NIPAL4: variants seen among roughly 807,000 people sequenced by gnomAD.
The protein encoded by NIPAL4 is magnesium transporter NIPA4.
A neutral mutation model predicts 31.6 loss-of-function variants in NIPAL4; 21 were observed. The ratio of observed to expected loss-of-function variants is 0.67; its 90% confidence interval spans 0.47 to 0.96. NIPAL4 has a LOEUF of 0.96. Ranked by LOEUF, NIPAL4 falls within the 40% of genes least tolerant of loss-of-function variation. NIPAL4 has a pLI of 0.00. For missense variants in NIPAL4, 438 were observed against 508.0 expected (o/e 0.86, Z 1.32); for synonymous variants, 175 against 211.1 (o/e 0.83, Z 1.48).
chr5:157,461,060 T>C, intron 1 of NIPAL4, among the ~76,000 whole-genome samples: 1 of 151,986 alleles, frequency 6.6e-6, no homozygotes, highest in East Asian at 1.9e-4. Context: ...CTCAACTCCT[T>C]CCTTGGTGTG....
chr5:157,470,492 CTTT>C (rs1208053266), intron 4 of NIPAL4, among the ~76,000 whole-genome samples: 1 of 152,190 alleles, frequency 6.6e-6, no homozygotes, highest in Non-Finnish European at 1.5e-5. Flanking sequence ...ATTTTAACTT[CTTT>C]GAGATTCAGT....
intron 3 of NIPAL4, among the ~76,000 whole-genome samples, chr5:157,468,142 C>A (rs1019488802): frequency 1.3e-5 from 2 of 151,428 alleles, no homozygotes; most frequent in African/African-American, 2.4e-5. Flanking sequence ...CTCGAACTCC[C>A]GACCTCAGGT....
chr5:157,470,841 G>A (rs568059029), intron 4 of NIPAL4, among the ~76,000 whole-genome samples: 1 of 152,236 alleles, frequency 6.6e-6, no homozygotes, highest in African/African-American at 2.4e-5. Flanking sequence ...CCAAAGCTGA[G>A]AGCCATCTGT....
At chr5:157,460,463 G>C (rs891714387) in intron 1 of NIPAL4, 106 bp downstream of exon 1, 2 of 1,136,974 alleles carry the variant, frequency 1.8e-6, no homozygotes, top group Non-Finnish European at 2.6e-6. Flanking sequence ...GCCAAAGCTG[G>C]GGAGGGGCAG....
intron 4 of NIPAL4, among the ~76,000 whole-genome samples, chr5:157,469,923 G>C (rs1754378889): frequency 6.6e-6 from 1 of 152,298 alleles, no homozygotes; most frequent in Middle Eastern, 3.4e-3. Context: ...TTGCATATCT[G>C]ATTAGTTTGC....
intron 4 of NIPAL4, among the ~76,000 whole-genome samples, 190 bp from the exon 5 acceptor site, chr5:157,471,467 A>G (rs565743217): frequency 6.6e-6 from 1 of 152,342 alleles, no homozygotes; most frequent in South Asian, 2.1e-4. Flanking sequence ...AGATGGGGAC[A>G]ATGAGGCTTA....
In NIPAL4 at chr5:157,473,760, C is replaced by A. The variant is rs1191777850; in HGVS notation, c.*800C>A. 1 of 152,218 alleles carries A rather than the reference C, an allele frequency of 6.6e-6. No homozygotes were observed. The highest frequency in any genetic ancestry group is 6.5e-5 in the Admixed American group (1 of 15,284). The allele number at this position is 152,218 out of a possible 1,614,324, so 9.4% of individuals were successfully genotyped here. ...ACAATAATAGAGCCACAGCCAAACT[C>A]TGGTGGCCAAACCCAGTGTTGCATT... On this transcript the variant is annotated 3_prime_UTR_variant, in exon 6 of 6. Coordinates refer to ENST00000311946, the MANE Select transcript of NIPAL4 (RefSeq NM_001099287.2).
In NIPAL4 at chr5:157,472,573, C is replaced by T. The variant is rs886060339; in HGVS notation, c.828C>T (p.Ser276=). ...ILSLILALSL[S]TQVNFLNRAL... is the part of the protein sequence containing the mutation. ...CCCTCATCCTGGCACTGTCCCTCAGCACTCAGGTCAACTTCCTCAACAGAG... is the reference window on the plus strand; with the variant it reads ...CCCTCATCCTGGCACTGTCCCTCAGTACTCAGGTCAACTTCCTCAACAGAG... Residue 276 remains serine, a synonymous_variant, in exon 6 of 6, where the codon AGC becomes AGT. Transcript: ENST00000311946. The T allele has an allele frequency of 6.2e-7, 1 of 1,613,928 alleles. No homozygotes were observed. The highest frequency in any genetic ancestry group is 8.5e-7 in the Non-Finnish European group (1 of 1,179,870).
At chr5:157,469,524 C>T (rs1369036649) in intron 4 of NIPAL4, among the ~76,000 whole-genome samples, 2 of 152,220 alleles carry the variant, frequency 1.3e-5, no homozygotes, top group African/African-American at 4.8e-5. Flanking sequence ...CCCAGGCAGT[C>T]TTAATTCCAG....
chr5:157,462,038 T>C (rs530809065), intron 1 of NIPAL4, among the ~76,000 whole-genome samples: 1 of 152,160 alleles, frequency 6.6e-6, no homozygotes, highest in African/African-American at 2.4e-5. Context: ...GTGGGAGAAA[T>C]ACTTGGTTGA....
intron 4 of NIPAL4, among the ~76,000 whole-genome samples, chr5:157,470,240 T>G (rs1465257090): frequency 6.6e-6 from 1 of 152,144 alleles, no homozygotes. Context: ...TGCCTGTGAT[T>G]TTTTTTCCCT....
In NIPAL4 at chr5:157,471,813, C is replaced by T. The variant is rs1335308954; in HGVS notation, c.582C>T (p.Asp194=). Residue 194 remains aspartate (D), a synonymous_variant, in exon 5 of 6, where the codon GAC becomes GAT. Transcript: ENST00000311946. ...TIMEMASKMK[D]TGFIVFAVLL... is the part of the protein sequence containing the mutation. ...TGGAGATGGCTTCCAAGATGAAAGA[C>T]ACAGGTAGACTCCAAGCCCCTGAAG... The T allele has an allele frequency of 5.7e-6, 9 of 1,584,092 alleles. No individual in the cohort carries two copies. Among genetic ancestry groups the T allele is most frequent in the Non-Finnish European group, 7.7e-6 (9 of 1,164,552 alleles).
At position 157,463,327 on chromosome 5, in the gene NIPAL4, C is replaced by T; in HGVS notation, c.271C>T (p.Arg91Ter). ...GCGACTCGTGGCCACGGGAGCCACT[C>T]GAGCTGGTAGGTTCCTGGGCCAGGA... is the stretch of plus-strand genomic sequence containing the variant. ...LLRLVATGAT[R>*]AVDGGFGYLK... is the part of the protein sequence containing the mutation. The change falls in exon 2 of 6, where the codon CGA (arginine) becomes TGA (stop). Residue 91 changes from arginine to a stop codon, truncating the protein, a stop_gained. Coordinates refer to ENST00000311946, the MANE Select transcript of NIPAL4 (RefSeq NM_001099287.2). LOFTEE classifies it high-confidence loss of function. 6.2e-6 allele frequency: 10 copies of T among 1,608,222 alleles called. No individual in the cohort carries two copies. Among genetic ancestry groups the T allele is most frequent in the South Asian group, 1.1e-5 (1 of 90,376 alleles).
At position 157,460,545 on chromosome 5, in the gene NIPAL4, C is replaced by A. The variant is rs992344332; in HGVS notation, c.37+188C>A. On this transcript the variant is annotated intron_variant, in intron 1 of 5. Transcript: ENST00000311946. ...GGCTGAGACTTCACTTTCATCTTCG[C>A]AGCTGGGATGGCTGAGAGGAGTCAG... 4.2e-6 allele frequency: 3 copies of A among 716,492 alleles called. No homozygotes were observed. In the African/African-American group the frequency reaches 5.2e-5, roughly 12 times the overall value. 44.4% of individuals were successfully genotyped at this position (716,492 alleles called of 1,614,324 possible). A position where few individuals can be genotyped will look rare whatever the true frequency, so the allele number is the denominator to read the frequency against.
Position 157,467,054 on chromosome 5 carries a change from G to C in NIPAL4, c.283G>C (p.Gly95Arg), listed in dbSNP as rs777713236. ...TGTGTCCATTCCCTCCACAGTGGAT[G>C]GAGGCTTCGGCTACCTGAAAGATGC... ...VATGATRAVDGGFGYLKDAMW... is the reference protein window; with the variant it reads ...VATGATRAVDRGFGYLKDAMW... Residue 95 changes from glycine to arginine, a missense_variant, in exon 3 of 6, where the codon GGA becomes CGA. By Grantham distance (125) the Gly-to-Arg change is moderately radical. Transcript: ENST00000311946. 6.2e-7 allele frequency: 1 copy of C among 1,612,616 alleles called. No homozygotes were observed. Among genetic ancestry groups the C allele is most frequent in the South Asian group, 1.1e-5 (1 of 91,030 alleles).
intron 4 of NIPAL4, among the ~76,000 whole-genome samples, chr5:157,469,079 C>A (rs1036970359): frequency 6.6e-6 from 1 of 152,142 alleles, no homozygotes; most frequent in African/African-American, 2.4e-5. Context: ...GGGTGAACGG[C>A]GCATGTCACT....
intron 1 of NIPAL4, among the ~76,000 whole-genome samples, chr5:157,461,627 C>T (rs958892721): frequency 2.0e-5 from 3 of 152,368 alleles, no homozygotes; most frequent in East Asian, 1.9e-4. Flanking sequence ...CAGGAATGAG[C>T]AGTGCAGAAC....
intron 4 of NIPAL4, among the ~76,000 whole-genome samples, chr5:157,469,649 C>G (rs867332634): frequency 6.6e-6 from 1 of 152,194 alleles, no homozygotes; most frequent in Middle Eastern, 3.2e-3. Context: ...TGCCCCTAGT[C>G]CCCCTGAGCT....
chr5:157,464,822 T>G (rs1016130126), intron 2 of NIPAL4, among the ~76,000 whole-genome samples: 1 of 152,214 alleles, frequency 6.6e-6, no homozygotes, highest in Non-Finnish European at 1.5e-5. Flanking sequence ...TAATTCTGGC[T>G]CCTCAATTCC....
Sources: allele counts gnomAD v4.1 joint callset (sites outside exome capture counted in the v4.1 genomes callset), GRCh38; gene constraint gnomAD v4.1.1; transcripts MANE v1.5; gene names NCBI Gene and HGNC (gene_info 2026-07-23, HGNC 2026-07-21).